Variants in TTC17 observed in about 807,000 individuals in gnomAD.
The protein encoded by TTC17 is tetratricopeptide repeat protein 17.
In TTC17, 58 loss-of-function variants were observed where a neutral mutation model predicts 143.8. The observed-to-expected ratio is 0.40, with a 90% CI of 0.33 to 0.50. TTC17 has a LOEUF of 0.50. Ranked by LOEUF, TTC17 falls within the 20% of genes least tolerant of loss-of-function variation. The probability of loss-of-function intolerance (pLI) is 0.49; values close to 1 mark genes in which losing one functional copy is unlikely to be tolerated. For missense variants in TTC17, 1,273 were observed against 1,392.5 expected (o/e 0.91, Z 1.37); for synonymous variants, 501 against 497.8 (o/e 1.01, Z -0.09).
chr11:43,451,141 T>A (rs372497286), intron 20 of TTC17, 41 bp from the exon 21 acceptor site: 1 of 1,593,408 alleles, frequency 6.3e-7, no homozygotes, highest in African/African-American at 1.3e-5. Context: ...AGATCCTGCA[T>A]CGTTTTCATT....
chr11:43,475,832 A>G (rs552700594), intron 21 of TTC17, among the ~76,000 whole-genome samples: 1 of 152,310 alleles, frequency 6.6e-6, no homozygotes, highest in South Asian at 2.1e-4. Context: ...AATGATATTG[A>G]TAGTGTTCTT....
At chr11:43,373,454 G>T (rs1357057724) in intron 1 of TTC17, among the ~76,000 whole-genome samples, 1 of 151,636 alleles carries the variant, frequency 6.6e-6, no homozygotes, top group Non-Finnish European at 1.5e-5. Flanking sequence ...CTCCCCAGTA[G>T]CTGGAACTAC....
At position 43,419,092 on chromosome 11, in the gene TTC17, TA is replaced by T. The variant is rs1436550887; in HGVS notation, c.2251+4319del. On this transcript the variant is annotated intron_variant, in intron 16 of 23. Transcript: ENST00000039989. ...CTGTTTACAGCATATAATTAAGCAT[TA>T]AACCCAAGATTTCTGAGCTCTGGTC... Among the ~76,000 whole-genome samples the T allele has an allele frequency of 2.6e-5, 4 of 152,190 alleles. No homozygotes were observed. The East Asian group carries it at 7.7e-4, about 29-fold the overall frequency.
Position 43,397,432 on chromosome 11 carries a change from G to T in TTC17, c.859G>T (p.Ala287Ser). The T allele has an allele frequency of 6.2e-7, 1 of 1,613,496 alleles. No individual in the cohort carries two copies. Reference protein sequence around the residue: ...FSADAAVVVHAALDDSDFFTS... With the variant: ...FSADAAVVVHSALDDSDFFTS... ...TGCTGATGCTGCTGTCGTGGTCCAT[G>T]CAGCTCTGGATGACAGTGACTTCTT... The change falls in exon 7 of 24, where the codon GCA (alanine) becomes TCA (serine). Residue 287 changes from alanine to serine, a missense_variant. By Grantham distance (99) the Ala-to-Ser change is moderately conservative. This residue lies in a region of TTC17 where 325 missense variants were observed against 444.2 expected (regional missense o/e 0.73). Transcript: ENST00000039989.
intron 8 of TTC17, among the ~76,000 whole-genome samples, chr11:43,399,056 C>A (rs549326617): frequency 6.6e-6 from 1 of 152,252 alleles, no homozygotes; most frequent in East Asian, 1.9e-4. Context: ...TAAATGTAAT[C>A]AGGCAGCTGA....
At chr11:43,492,231 C>A in intron 23 of TTC17, 68 bp downstream of exon 23, 1 of 1,540,898 alleles carries the variant, frequency 6.5e-7, no homozygotes, top group South Asian at 1.2e-5. Flanking sequence ...ATTTCAAAAC[C>A]TCTTTGAATA....
chr11:43,428,524 G>T (rs574568066), intron 16 of TTC17, among the ~76,000 whole-genome samples: 61 of 152,306 alleles, frequency 4.0e-4, no homozygotes, highest in African/African-American at 1.4e-3. Flanking sequence ...CTCAACTGGT[G>T]CTGACTTTGC....
chr11:43,451,251 A>C lies in TTC17; in HGVS notation c.3016A>C (p.Lys1006Gln). The C allele has an allele frequency of 6.2e-7, 1 of 1,613,550 alleles. No individual in the cohort carries two copies. Among genetic ancestry groups the C allele is most frequent in the East Asian group, 2.2e-5 (1 of 44,874 alleles). The change falls in exon 21 of 24, where the codon AAA (lysine) becomes CAA (glutamine). Residue 1006 changes from lysine to glutamine, a missense_variant. By Grantham distance (53) the Lys-to-Gln change is moderately conservative. Around this residue, in one of 3 missense-constraint regions of TTC17, gnomAD observed 878 missense variants for 899.8 expected, o/e 0.98. Coordinates refer to ENST00000039989, the MANE Select transcript of TTC17 (RefSeq NM_018259.6). ...TGAACAGATTGGCACCCGAATTGCC[A>C]AAGTTTTGGAAAAGGTAAGTCACCC... is the stretch of plus-strand genomic sequence containing the variant. ...SLEQIGTRIA[K>Q]VLEKNQTSWV...
chr11:43,446,794 T>G (rs1185653454), intron 18 of TTC17: 5 of 548,614 alleles, frequency 9.1e-6, no homozygotes, highest in African/African-American at 4.1e-5. Flanking sequence ...GTTCTGCTCT[T>G]TTCTTGGGGA....
intron 4 of TTC17, 94 bp downstream of exon 4, chr11:43,391,670 C>G: frequency 7.9e-7 from 1 of 1,261,666 alleles, no homozygotes; most frequent in South Asian, 1.5e-5. Context: ...TTTCTTCTCT[C>G]CTTCCTGACA....
In TTC17 at chr11:43,378,243, G is replaced by C. The variant is rs537037661; in HGVS notation, c.160-990G>C. ...GGAATGGGACTGTCACACTTCCACA[G>C]TTTCTTCCCTCCCCCAATTTTATTT... On this transcript the variant is annotated intron_variant, in intron 1 of 23. Transcript: ENST00000039989. Among the ~76,000 whole-genome samples, 11 of 152,196 alleles carry C rather than the reference G, an allele frequency of 7.2e-5. No individual in the cohort carries two copies. In the South Asian group the frequency reaches 2.1e-3, roughly 29 times the overall value.
At chr11:43,359,489 C>G (rs1427344931) in intron 1 of TTC17, among the ~76,000 whole-genome samples, 1 of 152,178 alleles carries the variant, frequency 6.6e-6, no homozygotes, top group Non-Finnish European at 1.5e-5. Flanking sequence ...CGGCCCTCCC[C>G]GAGGAAATAG....
chr11:43,370,111 A>G (rs774806383), intron 1 of TTC17: 26 of 455,148 alleles, frequency 5.7e-5, no homozygotes, highest in African/African-American at 3.4e-4. Context: ...ATCTCTCTCA[A>G]GAGTGGAAGC....
Position 43,414,725 on chromosome 11 carries a change from T to C in TTC17, c.2200T>C (p.Cys734Arg). The change falls in exon 16 of 24, where the codon TGT (cysteine) becomes CGT (arginine). Residue 734 changes from cysteine to arginine, a missense_variant. By Grantham distance (180) the Cys-to-Arg change is radical (BLOSUM62 -3). Transcript: ENST00000039989. ...TGAAAACAGCCTGAAGTTGATCCGC[T>C]GTATGCAGTTTTATCCTTTTCTGTA... Reference protein sequence around the residue: ...ECENSLKLIRCMQFYPFLYNI... With the variant: ...ECENSLKLIRRMQFYPFLYNI... The C allele has an allele frequency of 6.2e-7, 1 of 1,613,786 alleles. No individual in the cohort carries two copies. Among genetic ancestry groups the C allele is most frequent in the Non-Finnish European group, 8.5e-7 (1 of 1,179,796 alleles).
At chr11:43,446,050 A>G in intron 18 of TTC17, 2 of 1,522,948 alleles carry the variant, frequency 1.3e-6, no homozygotes, top group Non-Finnish European at 8.8e-7. Flanking sequence ...TGTGGGCTTG[A>G]AGCCTTCCCA....
intron 23 of TTC17, among the ~76,000 whole-genome samples, chr11:43,492,834 G>A (rs1948497235): frequency 6.6e-6 from 1 of 152,192 alleles, no homozygotes; most frequent in Admixed American, 6.5e-5. Context: ...AATCCCAGGG[G>A]GACCCCCTAA....
At chr11:43,443,957 C>T in intron 17 of TTC17, 99 bp from the exon 18 acceptor site, 1 of 1,368,574 alleles carries the variant, frequency 7.3e-7, no homozygotes, top group Non-Finnish European at 9.8e-7. Flanking sequence ...AGAACTTAAC[C>T]TGAGCACAGT....
chr11:43,465,740 A>C (rs1411850780), intron 21 of TTC17, among the ~76,000 whole-genome samples: 1 of 152,220 alleles, frequency 6.6e-6, no homozygotes, highest in Non-Finnish European at 1.5e-5. Flanking sequence ...TTCATATGCA[A>C]AAGAATGAAG....
At chr11:43,361,417 A>G (rs993165767) in intron 1 of TTC17, among the ~76,000 whole-genome samples, 4 of 152,248 alleles carry the variant, frequency 2.6e-5, no homozygotes, top group African/African-American at 9.6e-5. Flanking sequence ...TAAGTCAAAA[A>G]TGCATTTAAT....
Sources: allele counts gnomAD v4.1 joint callset (sites outside exome capture counted in the v4.1 genomes callset), GRCh38; gene constraint gnomAD v4.1.1; regional missense constraint gnomAD v4.1.1; transcripts MANE v1.5; gene names NCBI Gene and HGNC (gene_info 2026-07-23, HGNC 2026-07-21).